ZNF24: variants seen among roughly 807,000 people sequenced by gnomAD.
The protein encoded by ZNF24 is retinoic acid suppression protein A.
In ZNF24, 11 loss-of-function variants were observed where a neutral mutation model predicts 40.9. That is an observed-to-expected ratio of 0.27 (90% confidence interval 0.17 to 0.45). The LOEUF (loss-of-function observed/expected upper bound fraction) is 0.45, where lower values mean the gene tolerates loss of function less well. Ranked by LOEUF, ZNF24 falls within the 20% of genes least tolerant of loss-of-function variation. ZNF24 has a pLI of 1.00. For synonymous variants in ZNF24, 139 were observed against 154.7 expected (o/e 0.90, Z 0.75); for missense variants, 293 against 437.7 (o/e 0.67, Z 2.95).
At chr18:35,338,695 G>A (rs1246933467) in intron 3 of ZNF24, 3 of 1,109,244 alleles carry the variant, frequency 2.7e-6, no homozygotes, top group Non-Finnish European at 3.3e-6. Context: ...GGTTAGAGGA[G>A]GATAGTGAGG....
Position 35,340,703 on chromosome 18 carries a change from G to A in ZNF24, c.-53C>T, listed in dbSNP as rs945840702. On this transcript the variant is annotated 5_prime_UTR_variant, in exon 2 of 4. Transcript: ENST00000261332. The surrounding 1 kb of genome is among the most constrained non-coding windows in gnomAD (Gnocchi z 4.6). ...CAACTGAGGCAGAATATAAGCCTCA[G>A]GGCAATACCCCGTTTTCTTCACAGG... 3 of 1,539,848 alleles carry A rather than the reference G, an allele frequency of 1.9e-6. No individual in the cohort carries two copies. The highest frequency in any genetic ancestry group is 8.8e-7 in the Non-Finnish European group (1 of 1,140,538).
chr18:35,343,695 G>A (rs904945160), intron 1 of ZNF24: 1 of 152,196 alleles, frequency 6.6e-6, no homozygotes, highest in Non-Finnish European at 1.5e-5. Context: ...TATCAACGGT[G>A]CAAGTATTTC....
In ZNF24 at chr18:35,333,499, A is replaced by G. The variant is rs1192068060; in HGVS notation, c.*3733T>C. 1 of 152,204 alleles carries G rather than the reference A, an allele frequency of 6.6e-6. No homozygotes were observed. The highest frequency in any genetic ancestry group is 2.4e-5 in the African/African-American group (1 of 41,452). The allele number at this position is 152,204 out of a possible 1,614,324, so 9.4% of individuals were successfully genotyped here. ...AGTCATTAGACTTTCATAATTAAAA[A>G]AAGGAAAATGGGCAAAAGCAATTCA... On this transcript the variant is annotated 3_prime_UTR_variant, in exon 4 of 4. Transcript: ENST00000261332.
At chr18:35,342,195 TAAA>T (rs1266482695) in intron 1 of ZNF24, among the ~76,000 whole-genome samples, 1 of 136,022 alleles carries the variant, frequency 7.4e-6, no homozygotes, top group Admixed American at 7.5e-5. Flanking sequence ...ACTCTGTCTA[TAAA>T]AAAAAAAAAG....
chr18:35,338,239 C>G (rs888426553), intron 3 of ZNF24: 4 of 985,538 alleles, frequency 4.1e-6, no homozygotes, highest in Non-Finnish European at 4.8e-6. Context: ...ATGAACAAGC[C>G]AAGTCAGGTC....
intron 3 of ZNF24, 125 bp downstream of exon 3, chr18:35,339,704 G>GA (rs970937474): frequency 1.2e-5 from 10 of 856,336 alleles, no homozygotes; most frequent in Non-Finnish European, 1.7e-5. Context: ...AACTTAATCA[G>GA]AAAAAAACTG....
intron 3 of ZNF24, chr18:35,338,261 T>C (rs2044931017): frequency 1.0e-6 from 1 of 985,574 alleles, no homozygotes; most frequent in South Asian, 4.7e-5. Flanking sequence ...CAGCCAATGT[T>C]AGCCTAAAAG....
chr18:35,339,845 A>G lies in ZNF24; in HGVS notation c.552T>C (p.His184=), dbSNP rs774203967. 6.2e-7 allele frequency: 1 copy of G among 1,608,620 alleles called. No individual in the cohort carries two copies. The highest frequency in any genetic ancestry group is 1.7e-5 in the Admixed American group (1 of 59,876). ...NQLKWASWEL[H]SLRHCDDDGR... ...GGTCCTCACCACAGTGCCTTAGGGA[A>G]TGGAGCTCCCAGGATGCCCACTTGA... is the stretch of plus-strand genomic sequence containing the variant. Residue 184 remains histidine (H), a synonymous_variant, in exon 3 of 4, where the codon CAT becomes CAC. Coordinates refer to ENST00000261332, the MANE Select transcript of ZNF24 (RefSeq NM_006965.4).
chr18:35,337,377 C>G lies in ZNF24; in HGVS notation c.962G>C (p.Gly321Ala). The stretch of plus-strand genomic sequence containing the variant: ...ATGGATTCTCTGATGATTAATAAGC[C>G]CCGAATTCTGGCTAAAGGCTTTCCC... The part of the protein sequence containing the change: ...ECGKAFSQNS[G>A]LINHQRIHTG... The change falls in exon 4 of 4, where the codon GGG (glycine) becomes GCG (alanine). Residue 321 changes from glycine (G) to alanine (A), a missense_variant. Physicochemically the swap from Gly to Ala is moderately conservative, Grantham distance 60 (BLOSUM62 0). This residue lies in a region of ZNF24 where 59 missense variants were observed against 138.6 expected (regional missense o/e 0.43). Transcript: ENST00000261332. 6.2e-7 allele frequency: 1 copy of G among 1,613,956 alleles called. No homozygotes were observed. Among genetic ancestry groups the G allele is most frequent in the Non-Finnish European group, 8.5e-7 (1 of 1,179,960 alleles).
chr18:35,338,987 ACT>A, intron 3 of ZNF24: 1 of 1,533,298 alleles, frequency 6.5e-7, no homozygotes, highest in Non-Finnish European at 8.7e-7. Flanking sequence ...ACTGGCTGGC[ACT>A]GTCCCCTCAG....
At chr18:35,338,566 T>C (rs1051142538) in intron 3 of ZNF24, 3 of 986,914 alleles carry the variant, frequency 3.0e-6, no homozygotes, top group Non-Finnish European at 2.4e-6. Flanking sequence ...ACTTCATGCC[T>C]TAAGGAGTAA....
At chr18:35,338,698 T>C (rs867522015) in intron 3 of ZNF24, 4 of 1,112,758 alleles carry the variant, frequency 3.6e-6, no homozygotes, top group African/African-American at 3.3e-5. Context: ...TAGAGGAGGA[T>C]AGTGAGGCTT....
chr18:35,340,244 T>C lies in ZNF24; in HGVS notation c.407A>G (p.Asp136Gly). The C allele has an allele frequency of 6.2e-7, 1 of 1,612,704 alleles. No homozygotes were observed. The highest frequency in any genetic ancestry group is 8.5e-7 in the Non-Finnish European group (1 of 1,178,830). The change falls in exon 2 of 4, where the codon GAC (aspartate) becomes GGC (glycine). Residue 136 changes from aspartate (D) to glycine (G), a missense_variant. By Grantham distance (94) the Asp-to-Gly change is moderately conservative (BLOSUM62 -1). Around this residue, in one of 2 missense-constraint regions of ZNF24, gnomAD observed 234 missense variants for 299.2 expected, o/e 0.78. Coordinates refer to ENST00000261332, the MANE Select transcript of ZNF24 (RefSeq NM_006965.4). The surrounding 1 kb of genome is among the most constrained non-coding windows in gnomAD (Gnocchi z 4.6). ...VLEDLESELD[D>G]PGQPVSLRRR... Reference sequence around the variant, plus strand: ...AAGCAGGCTCACCGGTTGTCCAGGGTCATCAAGTTCACTCTCCAAATCCTC... The same window carrying C: ...AAGCAGGCTCACCGGTTGTCCAGGGCCATCAAGTTCACTCTCCAAATCCTC...
chr18:35,337,490 C>G lies in ZNF24; in HGVS notation c.849G>C (p.Glu283Asp). Residue 283 changes from glutamate (E) to aspartate (D), a missense_variant, in exon 4 of 4, where the codon GAG (glutamate) becomes GAC (aspartate). Physicochemically the swap from Glu to Asp is conservative, Grantham distance 45 (BLOSUM62 2). Coordinates refer to ENST00000261332, the MANE Select transcript of ZNF24 (RefSeq NM_006965.4). ...HSGEKPYGCV[E>D]CGKAFSRSSI... is the part of the protein sequence containing the mutation. ...AACTTCGGCTGAATGCTTTCCCACA[C>G]TCAACACATCCATAAGGTTTCTCCC... The G allele has an allele frequency of 6.2e-7, 1 of 1,614,016 alleles. No homozygotes were observed. Among genetic ancestry groups the G allele is most frequent in the Non-Finnish European group, 8.5e-7 (1 of 1,179,882 alleles).
At chr18:35,339,204 G>A in intron 3 of ZNF24, 1 of 587,756 alleles carries the variant, frequency 1.7e-6, no homozygotes, top group Non-Finnish European at 2.9e-6. Flanking sequence ...CTAATATATT[G>A]GGAAAGACTG....
chr18:35,333,080 C>A lies in ZNF24; in HGVS notation c.*4152G>T, dbSNP rs573067593. ...GACTGAAGGTGGACAGAGAACAAAC[C>A]CTTTGATCCAAAAATCCACCTTACT... On this transcript the variant is annotated 3_prime_UTR_variant, in exon 4 of 4. Coordinates refer to ENST00000261332, the MANE Select transcript of ZNF24 (RefSeq NM_006965.4). 6.6e-6 allele frequency: 1 copy of A among 152,024 alleles called. No homozygotes were observed. Among genetic ancestry groups the A allele is most frequent in the Non-Finnish European group, 1.5e-5 (1 of 68,004 alleles). 9.4% of individuals were successfully genotyped at this position (152,024 alleles called of 1,614,324 possible). A position where few individuals can be genotyped will look rare whatever the true frequency, so the allele number is the denominator to read the frequency against.
chr18:35,340,594 T>C lies in ZNF24; in HGVS notation c.57A>G (p.Glu19=). 6.2e-7 allele frequency: 1 copy of C among 1,614,176 alleles called. No individual in the cohort carries two copies. Among genetic ancestry groups the C allele is most frequent in the South Asian group, 1.1e-5 (1 of 91,086 alleles). Residue 19 remains glutamate, a synonymous_variant, in exon 2 of 4, where the codon GAA becomes GAG. Coordinates refer to ENST00000261332, the MANE Select transcript of ZNF24 (RefSeq NM_006965.4). This position sits in a 1 kb window ranked among gnomAD's most constrained non-coding sequence, Gnocchi z 4.6. ...DSILIIPTPD[E]EEKILRVKLE... ...ACTTCACTCTCAGAATTTTTTCCTC[T>C]TCATCTGGAGTTGGGATGATAAGTA...
chr18:35,338,373 G>C, intron 3 of ZNF24: 2 of 985,346 alleles, frequency 2.0e-6, no homozygotes, highest in Middle Eastern at 5.2e-4. Context: ...CCTAATAAAT[G>C]AAAGTTTTCC....
intron 1 of ZNF24, among the ~76,000 whole-genome samples, chr18:35,341,746 C>G (rs946954267): frequency 2.0e-5 from 3 of 152,054 alleles, no homozygotes; most frequent in African/African-American, 7.2e-5. Context: ...TGGCCAGGTG[C>G]AATGGTTCAC....
Sources: allele counts gnomAD v4.1 joint callset (sites outside exome capture counted in the v4.1 genomes callset), GRCh38; gene constraint gnomAD v4.1.1; regional missense constraint gnomAD v4.1.1; non-coding constraint Gnocchi (gnomAD v3.1); transcripts MANE v1.5; gene names NCBI Gene and HGNC (gene_info 2026-07-23, HGNC 2026-07-21).